OCA2: variants seen among roughly 807,000 people sequenced by gnomAD.
OCA2 encodes OCA2 melanosomal transmembrane protein.
Under a neutral mutation model 100.2 loss-of-function variants are expected in OCA2, and 77 were observed. The observed-to-expected ratio is 0.77, with a 90% CI of 0.64 to 0.93. The LOEUF is 0.93. OCA2 is among the 40% of genes least tolerant of loss of function. The probability of loss-of-function intolerance (pLI) is 0.00; values close to 1 mark genes in which losing one functional copy is unlikely to be tolerated. For missense variants in OCA2, 1,062 were observed against 1,089.1 expected, an observed-to-expected ratio of 0.98 and a Z score of 0.35; for synonymous variants, 432 against 439.2, an observed-to-expected ratio of 0.98 and a Z score of 0.21.
chr15:27,892,803 C>A (rs1405486542), intron 19 of OCA2, among the ~76,000 whole-genome samples: 1 of 152,024 alleles, frequency 6.6e-6, no homozygotes, highest in African/African-American at 2.4e-5. Flanking sequence ...GTTAAATTGA[C>A]AAACTTCTAA....
intron 18 of OCA2, among the ~76,000 whole-genome samples, chr15:27,930,715 G>T (rs2039219019): frequency 6.7e-6 from 1 of 148,404 alleles, no homozygotes; most frequent in African/African-American, 2.4e-5. Flanking sequence ...GTGCTGGGAG[G>T]TCAGGAGTAA....
the OCA2 span, among the ~76,000 whole-genome samples, chr15:27,738,552 G>C: frequency 6.6e-6 from 1 of 152,084 alleles, no homozygotes; most frequent in Non-Finnish European, 1.5e-5. Context: ...TGGCTAACAC[G>C]GTGAAACCCC....
the OCA2 span, among the ~76,000 whole-genome samples, chr15:27,734,224 C>A: frequency 7.2e-6 from 1 of 138,700 alleles, no homozygotes; most frequent in African/African-American, 2.6e-5. Flanking sequence ...CAATCACTCT[C>A]CAGTGATTGC....
intron 19 of OCA2, among the ~76,000 whole-genome samples, chr15:27,895,265 A>G (rs1044144066): frequency 3.9e-5 from 6 of 152,180 alleles, no homozygotes; most frequent in Non-Finnish European, 8.8e-5. Context: ...TAGCAGTGTG[A>G]GAACAGACTA....
At chr15:27,980,150 G>T (rs1267058287) in intron 14 of OCA2, among the ~76,000 whole-genome samples, 2 of 151,514 alleles carry the variant, frequency 1.3e-5, no homozygotes, top group Non-Finnish European at 2.9e-5. Context: ...TTGAGACAGA[G>T]TCTCGCTCTG....
At chr15:27,737,476 A>G in the OCA2 span, among the ~76,000 whole-genome samples, 1 of 152,222 alleles carries the variant, frequency 6.6e-6, no homozygotes. Flanking sequence ...ATAGAACAGA[A>G]TAGTCTGTTC....
At chr15:27,879,595 C>A (rs1283488635) in intron 19 of OCA2, among the ~76,000 whole-genome samples, 1 of 152,042 alleles carries the variant, frequency 6.6e-6, no homozygotes, top group Admixed American at 6.6e-5. Context: ...ATTTCTTTAA[C>A]GATTAGTGAT....
In OCA2 at chr15:27,804,887, T is replaced by C. The variant is rs1319781870; in HGVS notation, c.2432+40072A>G. Reference sequence around the variant, plus strand: ...TTCACTCATTTATGCATTCTGTCAGTCGTCCGTATTTTCTCAGCACCGGGC... The same window carrying C: ...TTCACTCATTTATGCATTCTGTCAGCCGTCCGTATTTTCTCAGCACCGGGC... On this transcript the variant is annotated intron_variant, in intron 23 of 23. Coordinates refer to ENST00000354638, the MANE Select transcript of OCA2 (RefSeq NM_000275.3). 2.6e-5 allele frequency among the ~76,000 whole-genome samples: 4 copies of C among 152,304 alleles called. No homozygotes were observed. The East Asian group carries it at 7.7e-4, about 29-fold the overall frequency.
chr15:27,873,249 G>A (rs931559386), intron 19 of OCA2, among the ~76,000 whole-genome samples: 1 of 152,144 alleles, frequency 6.6e-6, no homozygotes, highest in African/African-American at 2.4e-5. Context: ...AGCAGCCCTG[G>A]CCTGGTGCCA....
At chr15:27,878,779 A>T (rs893282777) in intron 19 of OCA2, among the ~76,000 whole-genome samples, 6 of 152,130 alleles carry the variant, frequency 3.9e-5, no homozygotes, top group African/African-American at 1.4e-4. Context: ...TACCTCTTCA[A>T]ATATCTTTTT....
chr15:27,996,337 T>C (rs2041726690), intron 9 of OCA2, among the ~76,000 whole-genome samples: 1 of 152,106 alleles, frequency 6.6e-6, no homozygotes, highest in Admixed American at 6.5e-5. Flanking sequence ...TTGTGCCCCA[T>C]ACATATATAC....
chr15:27,858,388 G>GAAAAA (rs200488887), intron 21 of OCA2, among the ~76,000 whole-genome samples: 6 of 49,382 alleles, frequency 1.2e-4, no homozygotes, highest in East Asian at 6.8e-4. Context: ...AAGAAAGAAA[G>GAAAAA]AAAAAAAAAA....
At chr15:28,074,163 T>C (rs867105363) in intron 2 of OCA2, among the ~76,000 whole-genome samples, 22 of 152,182 alleles carry the variant, frequency 1.4e-4, no homozygotes, top group African/African-American at 5.3e-4. Flanking sequence ...CTCACACCAT[T>C]TGATTTCAGA....
intron 23 of OCA2, among the ~76,000 whole-genome samples, chr15:27,806,250 A>T (rs1247716297): frequency 2.0e-5 from 3 of 152,200 alleles, no homozygotes; most frequent in Admixed American, 2.0e-4. Flanking sequence ...CTTACACTAA[A>T]AAGAAGCAGA....
Position 27,986,648 on chromosome 15 carries a change from G to A in OCA2, c.1183-5C>T, listed in dbSNP as rs199501635. The A allele has an allele frequency of 7.8e-6, 12 of 1,534,310 alleles. No homozygotes were observed. The Admixed American group carries it at 8.3e-5, about 11-fold the overall frequency. On this transcript the variant is annotated splice_polypyrimidine_tract_variant and splice_region_variant and intron_variant, in intron 11 of 23. Transcript: ENST00000354638. ...AAATATGGCTACTAAGATCATCTAT[G>A]GGGAAAAGAAGAAGACAAGGATAAT...
intron 23 of OCA2, among the ~76,000 whole-genome samples, chr15:27,814,928 A>ATAGG (rs2034228690): frequency 6.7e-6 from 1 of 149,862 alleles, no homozygotes; most frequent in Admixed American, 6.7e-5. Context: ...AGATAGATAG[A>ATAGG]TAGATAGATA....
chr15:27,915,444 T>G (rs1411134510), intron 19 of OCA2, among the ~76,000 whole-genome samples: 1 of 151,962 alleles, frequency 6.6e-6, no homozygotes, highest in Non-Finnish European at 1.5e-5. Context: ...TGGGAGAAAA[T>G]TTTTGCACAC....
At chr15:27,817,160 A>G (rs1033388039) in intron 23 of OCA2, among the ~76,000 whole-genome samples, 3 of 151,996 alleles carry the variant, frequency 2.0e-5, no homozygotes, top group Non-Finnish European at 4.4e-5. Context: ...TTCTTTATTT[A>G]TGTAGATGAC....
At chr15:27,829,582 G>A (rs1195664886) in intron 23 of OCA2, among the ~76,000 whole-genome samples, 3 of 152,216 alleles carry the variant, frequency 2.0e-5, no homozygotes, top group African/African-American at 7.2e-5. Flanking sequence ...ATCCACAACA[G>A]CAACATGGAG....
Sources: allele counts gnomAD v4.1 joint callset (sites outside exome capture counted in the v4.1 genomes callset), GRCh38; gene constraint gnomAD v4.1.1; transcripts MANE v1.5; gene names NCBI Gene and HGNC (gene_info 2026-07-23, HGNC 2026-07-21).